The following GRM1 variants were observed in gnomAD, a reference collection of about 807,000 sequenced individuals.
GRM1 encodes the protein glutamate metabotropic receptor 1.
GRM1 carries 33 observed loss-of-function variants against 90.9 expected under a neutral mutation model. The ratio of observed to expected loss-of-function variants is 0.36; its 90% CI spans 0.28 to 0.49. The LOEUF (loss-of-function observed/expected upper bound fraction) is 0.49, where lower values mean the gene tolerates loss of function less well. Among genes scored for constraint, GRM1 ranks in the 20% least tolerant of loss-of-function variants. The pLI is 0.99. For synonymous variants in GRM1, 700 were observed against 613.2 expected, an observed-to-expected ratio of 1.14 and a Z score of -2.09; for missense variants, 1,190 against 1,534.3, an observed-to-expected ratio of 0.78 and a Z score of 3.75.
chr6:146,104,745 A>G (rs1583007905), intron 1 of GRM1, among the ~76,000 whole-genome samples: 1 of 152,264 alleles, frequency 6.6e-6, no homozygotes, highest in Non-Finnish European at 1.5e-5. Context: ...AAGTGGGGAT[A>G]CATTCATAAA....
At chr6:146,178,562 A>C (rs1381678447) in intron 2 of GRM1, among the ~76,000 whole-genome samples, 1 of 152,204 alleles carries the variant, frequency 6.6e-6, no homozygotes, top group Non-Finnish European at 1.5e-5. Flanking sequence ...TGCATGAAAC[A>C]AAGTTTGTGT....
chr6:146,293,434 A>C (rs1783064591), intron 2 of GRM1, among the ~76,000 whole-genome samples: 5 of 152,024 alleles, frequency 3.3e-5, no homozygotes, highest in Admixed American at 3.3e-4. Context: ...AATGCAAAAA[A>C]CAAAAAAATT....
At chr6:146,414,466 C>G (rs1488738419) in intron 7 of GRM1, among the ~76,000 whole-genome samples, 1 of 151,472 alleles carries the variant, frequency 6.6e-6, no homozygotes, top group Non-Finnish European at 1.5e-5. Flanking sequence ...TGGAGTGGCA[C>G]GATCTCGGCG....
chr6:146,093,043 G>T (rs542586884), intron 1 of GRM1, among the ~76,000 whole-genome samples: 1 of 151,950 alleles, frequency 6.6e-6, no homozygotes, highest in Non-Finnish European at 1.5e-5. Flanking sequence ...CACATTATTC[G>T]TCTTAGGTAT....
chr6:146,085,903 T>C (rs545165693), intron 1 of GRM1, among the ~76,000 whole-genome samples: 3 of 152,300 alleles, frequency 2.0e-5, no homozygotes, highest in African/African-American at 7.2e-5. Flanking sequence ...TACTCTGATA[T>C]GACTGCTGAA....
chr6:146,293,950 A>G (rs1413031904), intron 2 of GRM1, among the ~76,000 whole-genome samples: 1 of 150,978 alleles, frequency 6.6e-6, no homozygotes, highest in Non-Finnish European at 1.5e-5. Flanking sequence ...AAGTTACATT[A>G]TATTTTAATT....
At chr6:146,316,882 C>T (rs1783993067) in intron 3 of GRM1, among the ~76,000 whole-genome samples, 1 of 152,154 alleles carries the variant, frequency 6.6e-6, no homozygotes. Context: ...ATTTGATGCT[C>T]ACAGTCTCTT....
rs58034716 is a variant in GRM1, at chr6:146,270,995, CTTCTTTCTTTCT to C, written c.951-33600_951-33589del. Among the ~76,000 whole-genome samples, 70 of 118,842 alleles carry C rather than the reference CTTCTTTCTTTCT, an allele frequency of 5.9e-4. 1 individual carries two copies. The South Asian group carries it at 0.011, about 18-fold the overall frequency. 78.0% of individuals were successfully genotyped at this position (118,842 alleles called of 152,430 possible). A position where few individuals can be genotyped will look rare whatever the true frequency, so the allele number is the denominator to read the frequency against. On this transcript the variant is annotated intron_variant, in intron 2 of 7. Coordinates refer to ENST00000282753, the MANE Select transcript of GRM1 (RefSeq NM_001278064.2). ...TTTTTTCTCTCTCTCTCTTTCTTTC[CTTCTTTCTTTCT>C]TTCTTTCTTTCTTTCAAGATGAAGT...
At chr6:146,393,743 T>A (rs1776819589) in intron 6 of GRM1, among the ~76,000 whole-genome samples, 1 of 152,170 alleles carries the variant, frequency 6.6e-6, no homozygotes, top group African/African-American at 2.4e-5. Flanking sequence ...ATTGACTTTC[T>A]TCACAGAATT....
intron 1 of GRM1, among the ~76,000 whole-genome samples, chr6:146,146,884 A>C (rs1026421223): frequency 6.6e-6 from 1 of 152,212 alleles, no homozygotes; most frequent in African/African-American, 2.4e-5. Context: ...GTATTATTTT[A>C]TAAGCAACAG....
intron 1 of GRM1, among the ~76,000 whole-genome samples, chr6:146,111,681 A>T (rs187967731): frequency 1.8e-3 from 268 of 152,320 alleles, no homozygotes; most frequent in African/African-American, 6.1e-3. Flanking sequence ...TTAGAGGAAT[A>T]GAGAGAAGGC....
At chr6:146,317,486 T>A (rs1305264995) in intron 3 of GRM1, among the ~76,000 whole-genome samples, 1 of 152,228 alleles carries the variant, frequency 6.6e-6, no homozygotes, top group East Asian at 1.9e-4. Flanking sequence ...CCTTGTATTT[T>A]ATGTTTCATT....
intron 1 of GRM1, among the ~76,000 whole-genome samples, chr6:146,128,521 C>G (rs988911269): frequency 4.6e-5 from 7 of 152,018 alleles, no homozygotes; most frequent in African/African-American, 1.5e-4. Flanking sequence ...AGATTTGAAC[C>G]CATGGCTCTA....
chr6:146,171,751 C>T (rs1778135212), intron 2 of GRM1: 5 of 288,110 alleles, frequency 1.7e-5, no homozygotes, highest in Non-Finnish European at 2.9e-5. Flanking sequence ...CTACTAAGGT[C>T]AAGAGCAAAG....
At chr6:146,095,893 CA>C (rs1296170600) in intron 1 of GRM1, among the ~76,000 whole-genome samples, 3 of 152,144 alleles carry the variant, frequency 2.0e-5, no homozygotes, top group African/African-American at 7.2e-5. Flanking sequence ...TTTTCTTGAA[CA>C]TCTCCAGTGA....
At chr6:146,416,214 T>C (rs569260081) in intron 7 of GRM1, among the ~76,000 whole-genome samples, 2 of 152,090 alleles carry the variant, frequency 1.3e-5, no homozygotes, top group Non-Finnish European at 2.9e-5. Flanking sequence ...ATATGTAATA[T>C]AAATGCTGAC....
intron 2 of GRM1, among the ~76,000 whole-genome samples, chr6:146,271,237 C>A (rs1782152653): frequency 6.6e-6 from 1 of 152,016 alleles, no homozygotes; most frequent in South Asian, 2.1e-4. Context: ...ATCTCCTGAC[C>A]TCATGATCTG....
At chr6:146,423,285 T>G (rs867478060) in intron 7 of GRM1, among the ~76,000 whole-genome samples, 1 of 152,204 alleles carries the variant, frequency 6.6e-6, no homozygotes, top group Non-Finnish European at 1.5e-5. Flanking sequence ...TTTCTCTCAG[T>G]TTTTATGCAG....
chr6:146,243,850 A>G (rs1223708576), intron 2 of GRM1, among the ~76,000 whole-genome samples: 1 of 152,128 alleles, frequency 6.6e-6, no homozygotes, highest in Non-Finnish European at 1.5e-5. Flanking sequence ...TCCCTTATCT[A>G]CATCCGTATA....
Sources: gnomAD v4.1 joint callset for allele counts (sites outside exome capture counted in the v4.1 genomes callset) on GRCh38, gnomAD v4.1.1 for gene constraint, MANE v1.5 for transcripts, NCBI Gene and HGNC (gene_info 2026-07-23, HGNC 2026-07-21) for gene names.